Variants in NREP observed in about 807,000 individuals in gnomAD.
NREP encodes neuronal regeneration-related protein.
A neutral mutation model predicts 8.6 loss-of-function variants in NREP; 5 were observed. That is an observed-to-expected ratio of 0.58 (90% CI 0.30 to 1.22). The LOEUF (loss-of-function observed/expected upper bound fraction) is 1.22. Among genes scored for constraint, NREP ranks in the 50% most tolerant of loss-of-function variants. NREP has a pLI of 0.07. For synonymous variants in NREP, 27 were observed against 28.0 expected (o/e 0.96, Z 0.11); for missense variants, 86 against 82.5 (o/e 1.04, Z -0.17).
At chr5:111,838,864 T>C (rs992655703) in intron 2 of NREP, among the ~76,000 whole-genome samples, 3 of 152,070 alleles carry the variant, frequency 2.0e-5, no homozygotes, top group Admixed American at 1.3e-4. Context: ...AGCTGATGTA[T>C]ACACAGATGA....
At chr5:111,825,957 ATT>A (rs370482212) in intron 2 of NREP, among the ~76,000 whole-genome samples, 28 of 140,250 alleles carry the variant, frequency 2.0e-4, no homozygotes, top group Non-Finnish European at 2.3e-4. Context: ...GCTCGTTTGG[ATT>A]TTTTTTTTTT....
intron 2 of NREP, among the ~76,000 whole-genome samples, chr5:111,925,230 C>A (rs1045444993): frequency 6.7e-6 from 1 of 150,220 alleles, no homozygotes; most frequent in Non-Finnish European, 1.5e-5. Flanking sequence ...CCCATCAGTT[C>A]TGCTGGAGCA....
In NREP at chr5:111,819,943, C is replaced by T. The variant is rs114679719; in HGVS notation, c.136-84436G>A. Among the ~76,000 whole-genome samples the T allele has an allele frequency of 9.6e-3, 1,456 of 152,166 alleles. 23 individuals carry two copies. Among genetic ancestry groups the T allele is most frequent in the African/African-American group, 0.033 (1,358 of 41,508 alleles). Reference sequence around the variant, plus strand: ...TAAGTCTTGAAGAATGTAAATAAGCCTCACTTTCAGTAATTTAAAAAAATT... The same window carrying T: ...TAAGTCTTGAAGAATGTAAATAAGCTTCACTTTCAGTAATTTAAAAAAATT... On this transcript the variant is annotated intron_variant, in intron 2 of 3. Coordinates refer to the NREP transcript ENST00000395634.
At chr5:111,936,340 A>C (rs1755682310) in intron 2 of NREP, among the ~76,000 whole-genome samples, 3 of 151,850 alleles carry the variant, frequency 2.0e-5, no homozygotes, top group African/African-American at 4.8e-5. Flanking sequence ...TTCCTCCTTC[A>C]CACACTCTCT....
intron 2 of NREP, among the ~76,000 whole-genome samples, chr5:111,882,760 A>C (rs1754119826): frequency 6.6e-6 from 1 of 152,298 alleles, no homozygotes; most frequent in South Asian, 2.1e-4. Context: ...AAAATACTTT[A>C]CAGACAAGCA....
intron 2 of NREP, among the ~76,000 whole-genome samples, chr5:111,767,858 T>C (rs1386002644): frequency 6.6e-6 from 1 of 151,892 alleles, no homozygotes; most frequent in Non-Finnish European, 1.5e-5. Context: ...AAATATGGGG[T>C]CTCCCTGTTT....
At chr5:111,740,734 G>C (rs1749575531) in intron 2 of NREP, among the ~76,000 whole-genome samples, 1 of 151,958 alleles carries the variant, frequency 6.6e-6, no homozygotes, top group Non-Finnish European at 1.5e-5. Flanking sequence ...TTCAAAATTT[G>C]CTATTTATTT....
At chr5:111,960,455 GC>G (rs2112651825) in intron 2 of NREP, among the ~76,000 whole-genome samples, 1 of 152,202 alleles carries the variant, frequency 6.6e-6, no homozygotes, top group South Asian at 2.1e-4. Flanking sequence ...AAAAATATGT[GC>G]CATTGTTAAC....
intron 2 of NREP, among the ~76,000 whole-genome samples, chr5:111,819,503 C>T (rs958628742): frequency 2.0e-5 from 3 of 152,118 alleles, no homozygotes; most frequent in East Asian, 1.9e-4. Flanking sequence ...AATTAATGTT[C>T]GAGCACTATT....
chr5:111,768,017 G>A (rs753581836), intron 2 of NREP, among the ~76,000 whole-genome samples: 2 of 152,148 alleles, frequency 1.3e-5, no homozygotes, highest in Non-Finnish European at 2.9e-5. Context: ...ATTCTAGTTA[G>A]AACTATATCT....
intron 2 of NREP, among the ~76,000 whole-genome samples, chr5:111,896,495 C>T (rs1003601302): frequency 6.6e-6 from 1 of 152,156 alleles, no homozygotes; most frequent in African/African-American, 2.4e-5. Context: ...TCTACATACA[C>T]ATTTTATCAT....
intron 2 of NREP, among the ~76,000 whole-genome samples, chr5:111,754,981 C>A (rs1240122561): frequency 4.6e-5 from 7 of 152,176 alleles, no homozygotes; most frequent in Non-Finnish European, 7.4e-5. Flanking sequence ...TGCAGTAGGA[C>A]ACGCTGTACT....
chr5:111,850,962 C>A (rs940007133), intron 2 of NREP, among the ~76,000 whole-genome samples: 2 of 152,124 alleles, frequency 1.3e-5, no homozygotes, highest in African/African-American at 2.4e-5. Context: ...TAAATAGTGG[C>A]ATGTAAGAAA....
At chr5:111,731,429 A>T (rs1282091635) in intron 3 of NREP, among the ~76,000 whole-genome samples, 2 of 33,600 alleles carry the variant, frequency 6.0e-5, no homozygotes, top group East Asian at 1.1e-3. Context: ...GTTGATAATT[A>T]TAAAAAAAAA....
intron 2 of NREP, among the ~76,000 whole-genome samples, chr5:111,873,956 C>G (rs1753847226): frequency 6.6e-6 from 1 of 152,014 alleles, no homozygotes; most frequent in Non-Finnish European, 1.5e-5. Flanking sequence ...TAGTCAGAGT[C>G]TCAGGTGGAG....
At chr5:111,896,483 G>A (rs534109751) in intron 2 of NREP, among the ~76,000 whole-genome samples, 21 of 152,252 alleles carry the variant, frequency 1.4e-4, no homozygotes, top group Admixed American at 1.0e-3. Flanking sequence ...AGTGGTCAGA[G>A]CTCTACATAC....
chr5:111,748,813 A>G lies in NREP; in HGVS notation c.3+6957T>C, dbSNP rs148378316. ...TACCAAAAAGGGAAAGGTGTTGCTCAGTTACTAAGTGGTCAATATTCTTCT... is the reference window on the plus strand; with the variant it reads ...TACCAAAAAGGGAAAGGTGTTGCTCGGTTACTAAGTGGTCAATATTCTTCT... On this transcript the variant is annotated intron_variant, in intron 2 of 3. Coordinates refer to ENST00000257435, the MANE Select transcript of NREP (RefSeq NM_004772.4). Among the ~76,000 whole-genome samples the G allele has an allele frequency of 3.5e-3, 537 of 152,328 alleles. 9 individuals are homozygous for G. The South Asian group carries it at 0.048, about 14-fold the overall frequency.
At chr5:111,893,115 T>G (rs1422092379) in intron 2 of NREP, among the ~76,000 whole-genome samples, 1 of 152,210 alleles carries the variant, frequency 6.6e-6, no homozygotes, top group Non-Finnish European at 1.5e-5. Flanking sequence ...CAGATCTTCC[T>G]GTCTAGATGA....
chr5:111,961,718 G>T (rs1441209429), intron 2 of NREP, among the ~76,000 whole-genome samples: 1 of 152,126 alleles, frequency 6.6e-6, no homozygotes, highest in Non-Finnish European at 1.5e-5. Flanking sequence ...AGGAAGACTT[G>T]AATATTACTG....
Sources: gnomAD v4.1 joint callset for allele counts (sites outside exome capture counted in the v4.1 genomes callset) on GRCh38, gnomAD v4.1.1 for gene constraint, MANE v1.5 for transcripts, NCBI Gene and HGNC (gene_info 2026-07-23, HGNC 2026-07-21) for gene names.